The following BRWD1 variants were observed in gnomAD, a reference collection of about 807,000 sequenced individuals.
BRWD1 encodes the protein bromodomain and WD repeat-containing protein 1.
In BRWD1, 82 loss-of-function variants were observed where a neutral mutation model predicts 251.2. The observed-to-expected ratio is 0.33, with a 90% CI of 0.27 to 0.39. The LOEUF is 0.39. Ranked by LOEUF, BRWD1 falls within the 10% of genes least tolerant of loss-of-function variation. BRWD1 has a pLI of 1.00. For missense variants in BRWD1, 2,233 were observed against 2,711.6 expected (o/e 0.82, Z 3.92); for synonymous variants, 918 against 902.8 (o/e 1.02, Z -0.30).
chr21:39,224,138 T>A (rs955206058), intron 29 of BRWD1, among the ~76,000 whole-genome samples: 3 of 152,150 alleles, frequency 2.0e-5, no homozygotes, highest in Non-Finnish European at 4.4e-5. Context: ...GCGTGAGCCA[T>A]GGCGCCCAGC....
At chr21:39,233,141 G>A (rs2033683760) in intron 23 of BRWD1, among the ~76,000 whole-genome samples, 2 of 152,042 alleles carry the variant, frequency 1.3e-5, no homozygotes, top group South Asian at 4.1e-4. Context: ...CACTCAAGCA[G>A]CCAGCTAAGG....
chr21:39,196,709 T>C lies in BRWD1; in HGVS notation c.6360A>G (p.Glu2120=), dbSNP rs777702672. Residue 2120 remains glutamate (E), a synonymous_variant, in exon 41 of 41, where the codon GAA becomes GAG. Coordinates refer to ENST00000342449, the MANE Select transcript of BRWD1 (RefSeq NM_033656.4). ...SKTKVIHDSQ[E]TAEKEVKRKR... ...TCCTTTTTACTTCCTTCTCTGCTGT[T>C]TCCTGTGAATCATGAATCACTTTTG... The C allele has an allele frequency of 1.2e-6, 2 of 1,613,952 alleles. No individual in the cohort carries two copies. The highest frequency in any genetic ancestry group is 1.7e-6 in the Non-Finnish European group (2 of 1,179,902).
At chr21:39,295,175 G>GTTTTTT (rs869129436) in intron 7 of BRWD1, among the ~76,000 whole-genome samples, 2 of 64,670 alleles carry the variant, frequency 3.1e-5, no homozygotes, top group Non-Finnish European at 2.8e-5. Context: ...GTATGTCTAT[G>GTTTTTT]TTTTTTTTTT....
At position 39,224,411 on chromosome 21, in the gene BRWD1, T is replaced by C. The variant is rs775484464; in HGVS notation, c.3379A>G (p.Asn1127Asp). Residue 1127 changes from asparagine (N) to aspartate (D), a missense_variant, in exon 29 of 41, where the codon AAT becomes GAT. By Grantham distance (23) the Asn-to-Asp change is conservative. This residue lies in a region of BRWD1 where 139 missense variants were observed against 272.8 expected (regional missense o/e 0.51). Coordinates refer to ENST00000342449, the MANE Select transcript of BRWD1 (RefSeq NM_033656.4). Reference sequence around the variant, plus strand: ...ATTATTTAACAAATATATATACCATTATCAGGAATTGGTTCCATGTCCCAT... The same window carrying C: ...ATTATTTAACAAATATATATACCATCATCAGGAATTGGTTCCATGTCCCAT... ...SPWDMEPIPDNVDPPEELGAS... is the reference protein window; with the variant it reads ...SPWDMEPIPDDVDPPEELGAS... 10 of 1,566,968 alleles carry C rather than the reference T, an allele frequency of 6.4e-6. No individual in the cohort carries two copies. Among genetic ancestry groups the C allele is most frequent in the Non-Finnish European group, 8.7e-6 (10 of 1,145,712 alleles).
chr21:39,234,585 A>G (rs537120568), intron 23 of BRWD1, among the ~76,000 whole-genome samples: 10 of 152,222 alleles, frequency 6.6e-5, no homozygotes, highest in Non-Finnish European at 1.3e-4. Context: ...GCCAAAAAGC[A>G]TAATATGAGA....
Position 39,194,858 on chromosome 21 carries a change from TA to T in BRWD1, c.*1400del. 1.3e-6 allele frequency: 2 copies of T among 1,532,980 alleles called. No individual in the cohort carries two copies. The highest frequency in any genetic ancestry group is 2.4e-5 in the South Asian group (2 of 83,932). The allele number at this position is 1,532,980 out of a possible 1,614,324, so 95.0% of individuals were successfully genotyped here. ...TCAAAGATACACAGGAGAAAAGGGT[TA>T]ATTTTGTCTGAAATCAAACACAATT... On this transcript the variant is annotated 3_prime_UTR_variant, in exon 41 of 41. Coordinates refer to ENST00000342449, the MANE Select transcript of BRWD1 (RefSeq NM_033656.4).
chr21:39,317,380 G>T (rs2036709679), upstream of BRWD1, among the ~76,000 whole-genome samples: 1 of 152,244 alleles, frequency 6.6e-6, no homozygotes, highest in South Asian at 2.1e-4. Context: ...CTATAGGGTT[G>T]CATTTTCAAG....
At chr21:39,294,489 C>A (rs2035898764) in intron 7 of BRWD1, among the ~76,000 whole-genome samples, 1 of 152,064 alleles carries the variant, frequency 6.6e-6, no homozygotes, top group African/African-American at 2.4e-5. Context: ...AACCTTTCTA[C>A]TAAAAAATAC....
intron 27 of BRWD1, among the ~76,000 whole-genome samples, chr21:39,226,907 T>C (rs1377980029): frequency 6.6e-6 from 1 of 152,186 alleles, no homozygotes; most frequent in Admixed American, 6.5e-5. Flanking sequence ...GAGGATTGCT[T>C]GAGCCCAGGA....
chr21:39,312,984 G>A, intron 3 of BRWD1, 84 bp from the exon 4 acceptor site: 1 of 988,384 alleles, frequency 1.0e-6, no homozygotes. Context: ...CGGGCGGCGG[G>A]CGGCGGGCGG....
chr21:39,243,973 A>C (rs2034091521), intron 21 of BRWD1, among the ~76,000 whole-genome samples: 1 of 152,176 alleles, frequency 6.6e-6, no homozygotes, highest in African/African-American at 2.4e-5. Flanking sequence ...GACAGATAGG[A>C]GGCATTCAAT....
intron 20 of BRWD1, among the ~76,000 whole-genome samples, chr21:39,249,033 T>TAA (rs138109597): frequency 1.4e-5 from 2 of 147,010 alleles, no homozygotes; most frequent in East Asian, 2.0e-4. Context: ...TACCCAGCCA[T>TAA]AAAAAAAAAA....
intron 9 of BRWD1, 52 bp from the exon 10 acceptor site, chr21:39,278,865 A>G (rs746323124): frequency 2.8e-5 from 38 of 1,333,872 alleles, no homozygotes; most frequent in Non-Finnish European, 4.1e-6. Context: ...CCACATTAAC[A>G]CAGCTTAAAA....
Position 39,188,100 on chromosome 21 carries a change from GAT to G in BRWD1, c.*8157_*8158del, listed in dbSNP as rs1196102992. ...TGCTGACCAAACTTAGGAGGGCTCA[GAT>G]ATGTTTGTTACCAGTGTCTCAAAGC... On this transcript the variant is annotated 3_prime_UTR_variant, in exon 41 of 41. Transcript: ENST00000342449. The G allele has an allele frequency of 4.1e-6, 4 of 985,290 alleles. No individual in the cohort carries two copies. The African/African-American group carries it at 7.0e-5, about 17-fold the overall frequency. The allele number at this position is 985,290 out of a possible 1,614,324, so 61.0% of individuals were successfully genotyped here.
chr21:39,313,380 G>T, intron 1 of BRWD1, 63 bp downstream of exon 1: 1 of 1,484,012 alleles, frequency 6.7e-7, no homozygotes, highest in Non-Finnish European at 9.0e-7. Flanking sequence ...GGAGCCCGGG[G>T]AGCCGGGGAA....
intron 12 of BRWD1, among the ~76,000 whole-genome samples, chr21:39,275,267 G>A (rs2035244013): frequency 6.6e-6 from 1 of 152,064 alleles, no homozygotes; most frequent in African/African-American, 2.4e-5. Context: ...GGCAAAGAAG[G>A]AGTATATGAT....
chr21:39,280,301 A>G, intron 8 of BRWD1, 53 bp from the exon 9 acceptor site: 1 of 1,372,758 alleles, frequency 7.3e-7, no homozygotes, highest in Admixed American at 2.2e-5. Flanking sequence ...CTTAAGTTAC[A>G]GTTTAATAGT....
At position 39,190,868 on chromosome 21, in the gene BRWD1, G is replaced by T. The variant is rs2031516039; in HGVS notation, c.*5391C>A. 6.1e-6 allele frequency: 6 copies of T among 985,238 alleles called. No homozygotes were observed. Among genetic ancestry groups the T allele is most frequent in the Non-Finnish European group, 7.2e-6 (6 of 829,878 alleles). 61.0% of individuals were successfully genotyped at this position (985,238 alleles called of 1,614,324 possible). The stretch of plus-strand genomic sequence containing the variant: ...TAGTTCATTAGCTTATTCATTTTTA[G>T]GGTTCATTTACTCAATGATGGGCAC... On this transcript the variant is annotated 3_prime_UTR_variant, in exon 41 of 41. Transcript: ENST00000342449.
intron 13 of BRWD1, among the ~76,000 whole-genome samples, chr21:39,271,696 CAAAA>C (rs34900726): frequency 3.3e-5 from 2 of 59,842 alleles, no homozygotes; most frequent in Non-Finnish European, 5.6e-5. Flanking sequence ...GACTCCGTCT[CAAAA>C]AAAAAAAAAA....
Sources: allele counts gnomAD v4.1 joint callset (sites outside exome capture counted in the v4.1 genomes callset), GRCh38; gene constraint gnomAD v4.1.1; regional missense constraint gnomAD v4.1.1; transcripts MANE v1.5; gene names NCBI Gene and HGNC (gene_info 2026-07-23, HGNC 2026-07-21).